Variants in AGAP1 observed in about 807,000 individuals in gnomAD.
The protein encoded by AGAP1 is ArfGAP with GTPase domain, ankyrin repeat and PH domain 1.
AGAP1 carries 29 observed loss-of-function variants against 105.3 expected under a neutral mutation model. The ratio of observed to expected loss-of-function variants is 0.28; its 90% CI spans 0.21 to 0.38. AGAP1 has a LOEUF of 0.38. Ranked by LOEUF, AGAP1 falls within the 10% of genes least tolerant of loss-of-function variation. The pLI is 1.00. For synonymous variants in AGAP1, 509 were observed against 485.9 expected (o/e 1.05, Z -0.63); for missense variants, 998 against 1,165.1 (o/e 0.86, Z 2.09).
chr2:236,065,963 G>T (rs2058334029), intron 16 of AGAP1, among the ~76,000 whole-genome samples: 1 of 152,240 alleles, frequency 6.6e-6, no homozygotes, highest in African/African-American at 2.4e-5. Context: ...CTGATGGCCA[G>T]GGTGGCACTG....
chr2:235,711,987 C>T (rs149760941), intron 2 of AGAP1, among the ~76,000 whole-genome samples: 1 of 152,226 alleles, frequency 6.6e-6, no homozygotes, highest in East Asian at 1.9e-4. Flanking sequence ...TCGCTTTCTT[C>T]TCAAGAGTGG....
rs1360555197 is a variant in AGAP1 at position 235,877,368 on chromosome 2, T to C, written c.1051-5977T>C. ...ATGATGATGTTTTGCTGAAACAAAA[T>C]GACGGCCATCCGTGCCAGGGGTTAG... On this transcript the variant is annotated intron_variant, in intron 9 of 17. Coordinates refer to ENST00000304032, the MANE Select transcript of AGAP1 (RefSeq NM_001037131.3). This position sits in a 1 kb window ranked among gnomAD's most constrained non-coding sequence, Gnocchi z 4.3. 6.6e-6 allele frequency among the ~76,000 whole-genome samples: 1 copy of C among 152,204 alleles called. No homozygotes were observed. The highest frequency in any genetic ancestry group is 1.5e-5 in the Non-Finnish European group (1 of 68,036).
rs1330528513 is a variant in AGAP1, at chr2:235,906,658, T to C, written c.1156-2080T>C. ...CATGTTGGTTGCGGGAAGGTCTACATTGTCACACCCCAGGCTCACCCACCT... is the reference window on the plus strand; with the variant it reads ...CATGTTGGTTGCGGGAAGGTCTACACTGTCACACCCCAGGCTCACCCACCT... On this transcript the variant is annotated intron_variant, in intron 10 of 17. Coordinates refer to ENST00000304032, the MANE Select transcript of AGAP1 (RefSeq NM_001037131.3). The surrounding 1 kb of genome is among the most constrained non-coding windows in gnomAD (Gnocchi z 5.3). Among the ~76,000 whole-genome samples, 1 of 150,572 alleles carries C rather than the reference T, an allele frequency of 6.6e-6. No homozygotes were observed. Among genetic ancestry groups the C allele is most frequent in the Non-Finnish European group, 1.5e-5 (1 of 68,036 alleles).
intron 1 of AGAP1, among the ~76,000 whole-genome samples, chr2:235,684,869 C>CTA (rs1362427380): frequency 6.6e-6 from 1 of 152,168 alleles, no homozygotes; most frequent in Non-Finnish European, 1.5e-5. Context: ...ACACCAGGGC[C>CTA]TATTTTGGAT....
At position 236,082,245 on chromosome 2, in the gene AGAP1, G is replaced by C. The variant is rs560406466; in HGVS notation, c.2114+32964G>C. Among the ~76,000 whole-genome samples, 1 of 152,300 alleles carries C rather than the reference G, an allele frequency of 6.6e-6. No individual in the cohort carries two copies. The highest frequency in any genetic ancestry group is 1.9e-4 in the East Asian group (1 of 5,176). ...AATTCAATTGGCTTCTGATCTCATC[G>C]CTGGAAGTTATAGATGCAGATATTA... On this transcript the variant is annotated intron_variant, in intron 16 of 17. Transcript: ENST00000304032. This position sits in a 1 kb window ranked among gnomAD's most constrained non-coding sequence, Gnocchi z 4.2.
In AGAP1 at chr2:235,982,026, T is replaced by G. The variant is rs547889820; in HGVS notation, c.1645+13403T>G. On this transcript the variant is annotated intron_variant, in intron 13 of 17. Transcript: ENST00000304032. The surrounding 1 kb of genome is among the most constrained non-coding windows in gnomAD (Gnocchi z 4.9). ...TTTTAATAAGTTAATATTCCAACCA[T>G]AAAAACTTCTGACATTTTACCCGAG... 6.6e-6 allele frequency among the ~76,000 whole-genome samples: 1 copy of G among 152,306 alleles called. No homozygotes were observed. The highest frequency in any genetic ancestry group is 6.5e-5 in the Admixed American group (1 of 15,302).
chr2:235,752,687 A>G lies in AGAP1; in HGVS notation c.673+2199A>G, dbSNP rs1953551282. On this transcript the variant is annotated intron_variant, in intron 6 of 17. Coordinates refer to ENST00000304032, the MANE Select transcript of AGAP1 (RefSeq NM_001037131.3). The surrounding 1 kb of genome is among the most constrained non-coding windows in gnomAD (Gnocchi z 4.3). ...TTGTCTGGATAAGTTTAGTTTCCAC[A>G]GTGACTCCTTTGCTTTTGTATTTAT... Among the ~76,000 whole-genome samples the G allele has an allele frequency of 1.3e-5, 2 of 152,208 alleles. No homozygotes were observed.
At chr2:235,670,885 C>T in intron 1 of AGAP1, 1 of 1,356,154 alleles carries the variant, frequency 7.4e-7, no homozygotes, top group African/African-American at 1.5e-5. Flanking sequence ...CCTCGGAGCA[C>T]CGGCTGCTGC....
chr2:235,583,664 G>A (rs943029577), intron 1 of AGAP1, among the ~76,000 whole-genome samples: 1 of 150,264 alleles, frequency 6.7e-6, no homozygotes, highest in Admixed American at 6.7e-5. Flanking sequence ...ATCAGTTGAG[G>A]CCAGGAGTTC....
At chr2:235,999,161 G>GTGA (rs141864400) in intron 13 of AGAP1, among the ~76,000 whole-genome samples, 1 of 145,316 alleles carries the variant, frequency 6.9e-6, no homozygotes, top group Admixed American at 6.8e-5. Context: ...GGTGGTGGTG[G>GTGA]TGATGATGAT....
At chr2:235,803,517 C>T (rs553814758) in intron 8 of AGAP1, among the ~76,000 whole-genome samples, 6 of 152,292 alleles carry the variant, frequency 3.9e-5, no homozygotes, top group East Asian at 3.9e-4. Context: ...AATAAAAATT[C>T]GTGCAGACTG....
At chr2:235,661,602 GA>G (rs1947956696) in intron 1 of AGAP1, among the ~76,000 whole-genome samples, 2 of 152,186 alleles carry the variant, frequency 1.3e-5, no homozygotes, top group African/African-American at 4.8e-5. Flanking sequence ...TGGTGATGTG[GA>G]CTTGGGGCTT....
chr2:235,789,602 T>C lies in AGAP1; in HGVS notation c.674-8157T>C, dbSNP rs776777907. Among the ~76,000 whole-genome samples the C allele has an allele frequency of 1.3e-5, 2 of 151,998 alleles. No individual in the cohort carries two copies. Among genetic ancestry groups the C allele is most frequent in the African/African-American group, 2.4e-5 (1 of 41,304 alleles). ...TTGGCTTTTTAACCACAGCCTATTT[T>C]AGATTAGAGGGTTGTTTGCTCAAAA... is the stretch of plus-strand genomic sequence containing the variant. On this transcript the variant is annotated intron_variant, in intron 6 of 17. Transcript: ENST00000304032. This position sits in a 1 kb window ranked among gnomAD's most constrained non-coding sequence, Gnocchi z 4.2.
rs1943863983 is a variant in AGAP1 at position 235,553,060 on chromosome 2, A to G, written c.163+58211A>G. 6.6e-6 allele frequency among the ~76,000 whole-genome samples: 1 copy of G among 152,164 alleles called. No homozygotes were observed. The highest frequency in any genetic ancestry group is 2.1e-4 in the South Asian group (1 of 4,826). Reference sequence around the variant, plus strand: ...GGTGGTTCCTCTGAGCCTCTGCTTTATTTCATCTGCAAGTAGCATTAATAC... The same window carrying G: ...GGTGGTTCCTCTGAGCCTCTGCTTTGTTTCATCTGCAAGTAGCATTAATAC... On this transcript the variant is annotated intron_variant, in intron 1 of 17. Coordinates refer to ENST00000304032, the MANE Select transcript of AGAP1 (RefSeq NM_001037131.3). The surrounding 1 kb of genome is among the most constrained non-coding windows in gnomAD (Gnocchi z 4.5).
chr2:235,600,549 G>T lies in AGAP1; in HGVS notation c.163+105700G>T, dbSNP rs1471903166. On this transcript the variant is annotated intron_variant, in intron 1 of 17. Transcript: ENST00000304032. The surrounding 1 kb of genome is among the most constrained non-coding windows in gnomAD (Gnocchi z 4.8). ...TTTATTAAGGAGTATTAACTCACAG[G>T]ATCACAAGGTCCCACAATAGGCTGG... Among the ~76,000 whole-genome samples, 1 of 152,112 alleles carries T rather than the reference G, an allele frequency of 6.6e-6. No individual in the cohort carries two copies. The highest frequency in any genetic ancestry group is 1.5e-5 in the Non-Finnish European group (1 of 68,030).
intron 11 of AGAP1, among the ~76,000 whole-genome samples, chr2:235,923,177 TG>T (rs2052268759): frequency 6.6e-6 from 1 of 152,114 alleles, no homozygotes; most frequent in Non-Finnish European, 1.5e-5. Flanking sequence ...AAATAATATT[TG>T]GGGGACGATG....
intron 6 of AGAP1, among the ~76,000 whole-genome samples, chr2:235,772,272 G>A (rs1440343215): frequency 3.3e-5 from 5 of 152,246 alleles, no homozygotes; most frequent in African/African-American, 9.6e-5. Flanking sequence ...GATTACGTGT[G>A]TGAGCCACCA....
intron 1 of AGAP1, among the ~76,000 whole-genome samples, chr2:235,686,434 T>C (rs1949383319): frequency 6.6e-6 from 1 of 151,378 alleles, no homozygotes; most frequent in East Asian, 1.9e-4. Flanking sequence ...ATCACCTGTA[T>C]TATATTGTGG....
intron 10 of AGAP1, among the ~76,000 whole-genome samples, chr2:235,902,220 GT>G (rs2051099078): frequency 6.6e-6 from 1 of 152,170 alleles, no homozygotes; most frequent in Non-Finnish European, 1.5e-5. Flanking sequence ...CAGATGTGTG[GT>G]TGGAAGAGGG....
Sources: gnomAD v4.1 joint callset for allele counts (sites outside exome capture counted in the v4.1 genomes callset) on GRCh38, gnomAD v4.1.1 for gene constraint, Gnocchi (gnomAD v3.1) non-coding constraint, MANE v1.5 for transcripts, NCBI Gene and HGNC (gene_info 2026-07-23, HGNC 2026-07-21) for gene names.